The following GRID1 variants were observed in gnomAD, a reference collection of about 807,000 sequenced individuals.
The protein encoded by GRID1 is glutamate receptor ionotropic, delta-1.
Under a neutral mutation model 98.0 loss-of-function variants are expected in GRID1, and 28 were observed. The observed-to-expected ratio is 0.29, with a 90% CI of 0.21 to 0.39. The LOEUF is 0.39. Ranked by LOEUF, GRID1 falls within the 10% of genes least tolerant of loss-of-function variation. GRID1 has a pLI of 1.00. For missense variants in GRID1, 1,111 were observed against 1,340.5 expected (o/e 0.83, Z 2.67); for synonymous variants, 553 against 538.5 (o/e 1.03, Z -0.37).
intron 8 of GRID1, among the ~76,000 whole-genome samples, chr10:85,822,878 A>T (rs1308173811): frequency 3.3e-5 from 5 of 152,202 alleles, no homozygotes; most frequent in Non-Finnish European, 5.9e-5. Context: ...TTGTGTTCAC[A>T]TCCTTTGTAG....
chr10:86,067,178 A>T (rs1333218686), intron 4 of GRID1, among the ~76,000 whole-genome samples: 3 of 152,242 alleles, frequency 2.0e-5, no homozygotes, highest in East Asian at 3.8e-4. Context: ...GAGCCGTCCC[A>T]AGTACTGATA....
At chr10:86,065,560 C>T (rs1351599123) in intron 4 of GRID1, among the ~76,000 whole-genome samples, 1 of 152,238 alleles carries the variant, frequency 6.6e-6, no homozygotes, top group Non-Finnish European at 1.5e-5. Flanking sequence ...TATTTCCTAG[C>T]CAGTGGGATC....
intron 12 of GRID1, among the ~76,000 whole-genome samples, chr10:85,655,967 T>C (rs1263684379): frequency 6.6e-5 from 10 of 151,704 alleles, no homozygotes; most frequent in Non-Finnish European, 1.3e-4. Context: ...TGAAAATACA[T>C]ACATACATCT....
intron 12 of GRID1, among the ~76,000 whole-genome samples, chr10:85,695,274 C>T (rs1486588573): frequency 6.6e-6 from 1 of 152,144 alleles, no homozygotes; most frequent in Non-Finnish European, 1.5e-5. Flanking sequence ...ACTCAATGCC[C>T]TTGATGTTTC....
intron 4 of GRID1, among the ~76,000 whole-genome samples, chr10:85,957,682 C>T (rs1842212703): frequency 6.6e-6 from 1 of 152,188 alleles, no homozygotes; most frequent in Admixed American, 6.5e-5. Context: ...ACCCTGAATC[C>T]CAGACAGGAT....
intron 5 of GRID1, among the ~76,000 whole-genome samples, chr10:85,914,657 C>A (rs1308847948): frequency 1.3e-5 from 2 of 152,178 alleles, no homozygotes; most frequent in East Asian, 3.9e-4. Context: ...CAAGTAGTTA[C>A]AATCTGATAC....
At chr10:86,053,366 G>GT (rs34092991) in intron 4 of GRID1, among the ~76,000 whole-genome samples, 65,485 of 148,860 alleles carry the variant, frequency 0.44, 16,092 homozygotes, top group South Asian at 0.7. Context: ...TTGTTTTTTT[G>GT]TTTTTTTTTG....
intron 11 of GRID1, among the ~76,000 whole-genome samples, chr10:85,723,997 T>A (rs2132651654): frequency 6.6e-6 from 1 of 152,318 alleles, no homozygotes; most frequent in South Asian, 2.1e-4. Context: ...TGGGATTTTT[T>A]TTCCCCATTA....
At chr10:85,824,909 A>G (rs1023212880) in intron 8 of GRID1, among the ~76,000 whole-genome samples, 12 of 152,330 alleles carry the variant, frequency 7.9e-5, no homozygotes, top group Admixed American at 7.2e-4. Flanking sequence ...GTAGTATGCC[A>G]CACTATATAT....
intron 12 of GRID1, among the ~76,000 whole-genome samples, chr10:85,654,800 T>C (rs10887513): frequency 0.58 from 88,003 of 152,104 alleles, 26,261 homozygotes; most frequent in African/African-American, 0.69. Context: ...TCCTCACTTC[T>C]GCACCTTCTG....
intron 2 of GRID1, among the ~76,000 whole-genome samples, chr10:86,269,909 C>T (rs994366122): frequency 3.3e-5 from 5 of 152,120 alleles, no homozygotes; most frequent in East Asian, 1.9e-4. Context: ...GCACTAAGAC[C>T]CCCTGTAGGG....
intron 8 of GRID1, among the ~76,000 whole-genome samples, chr10:85,740,966 C>T (rs1841937202): frequency 6.6e-6 from 1 of 152,052 alleles, no homozygotes; most frequent in Non-Finnish European, 1.5e-5. Flanking sequence ...GTTAACCAGG[C>T]TGTTCTCGAA....
intron 4 of GRID1, among the ~76,000 whole-genome samples, chr10:86,071,175 A>G (rs1194538166): frequency 2.0e-5 from 3 of 152,246 alleles, no homozygotes; most frequent in Admixed American, 1.3e-4. Flanking sequence ...CCGCTTCACA[A>G]TAGGCACACA....
intron 8 of GRID1, among the ~76,000 whole-genome samples, chr10:85,803,149 T>C (rs541850270): frequency 6.6e-6 from 1 of 152,042 alleles, no homozygotes; most frequent in Admixed American, 6.6e-5. Context: ...AAAGAATGAG[T>C]AAGAGCTATT....
chr10:85,699,108 A>G (rs1176086391), intron 12 of GRID1, among the ~76,000 whole-genome samples: 1 of 152,002 alleles, frequency 6.6e-6, no homozygotes, highest in Non-Finnish European at 1.5e-5. Context: ...GCTGGAGTGC[A>G]GTGCTGTGAT....
intron 8 of GRID1, among the ~76,000 whole-genome samples, chr10:85,823,104 G>T (rs576004765): frequency 6.6e-6 from 1 of 152,150 alleles, no homozygotes; most frequent in Non-Finnish European, 1.5e-5. Flanking sequence ...AAGTTAATGG[G>T]TGCAGCACAC....
chr10:85,819,690 G>A (rs998078534), intron 8 of GRID1, among the ~76,000 whole-genome samples: 5 of 152,036 alleles, frequency 3.3e-5, no homozygotes, highest in South Asian at 2.1e-4. Context: ...GAGGCAGGCG[G>A]ATCACTTGAG....
At chr10:85,719,514 A>G (rs1229803112) in intron 12 of GRID1, among the ~76,000 whole-genome samples, 2 of 152,232 alleles carry the variant, frequency 1.3e-5, no homozygotes, top group Admixed American at 1.3e-4. Flanking sequence ...CTCTTCTTAC[A>G]TGGTGGTGGC....
intron 4 of GRID1, among the ~76,000 whole-genome samples, chr10:86,107,887 C>A (rs1260815046): frequency 6.6e-6 from 1 of 152,194 alleles, no homozygotes; most frequent in African/African-American, 2.4e-5. Context: ...TCCCTTCTTG[C>A]TCCCCCATCT....
Sources: allele counts gnomAD v4.1 joint callset (sites outside exome capture counted in the v4.1 genomes callset), GRCh38; gene constraint gnomAD v4.1.1; transcripts MANE v1.5; gene names NCBI Gene and HGNC (gene_info 2026-07-23, HGNC 2026-07-21).